LEKR1: variants seen among roughly 807,000 people sequenced by gnomAD.
LEKR1 encodes the protein leucine, glutamate and lysine rich 1.
Under a neutral mutation model 72.4 loss-of-function variants are expected in LEKR1, and 59 were observed. The ratio of observed to expected loss-of-function variants is 0.82; its 90% CI spans 0.66 to 1.01. The LOEUF is 1.01. Among genes scored for constraint, LEKR1 ranks in the 50% least tolerant of loss-of-function variants. The pLI, the probability that LEKR1 is intolerant of heterozygous loss-of-function variation, is 0.00. For synonymous variants in LEKR1, 257 were observed against 263.2 expected, an observed-to-expected ratio of 0.98 and a Z score of 0.23; for missense variants, 728 against 759.2, an observed-to-expected ratio of 0.96 and a Z score of 0.48.
chr3:156,845,714 A>C (rs1451380892), intron 2 of LEKR1, among the ~76,000 whole-genome samples: 2 of 152,036 alleles, frequency 1.3e-5, no homozygotes, highest in African/African-American at 4.8e-5. Flanking sequence ...AATATCATAC[A>C]ATCTTGATTA....
At chr3:156,961,477 C>T (rs977704554) in intron 6 of LEKR1, among the ~76,000 whole-genome samples, 6 of 152,210 alleles carry the variant, frequency 3.9e-5, no homozygotes, top group African/African-American at 1.4e-4. Context: ...CTTTCTATCT[C>T]TATAGACTTA....
intron 5 of LEKR1, 109 bp from the exon 6 acceptor site, chr3:156,942,420 T>C (rs1726293114): frequency 3.0e-6 from 1 of 334,874 alleles, no homozygotes; most frequent in Non-Finnish European, 5.4e-6. Context: ...CTCAGAAATG[T>C]CATCTTGCCT....
chr3:156,908,642 T>C (rs1209590832), intron 3 of LEKR1, among the ~76,000 whole-genome samples: 1 of 152,206 alleles, frequency 6.6e-6, no homozygotes, highest in East Asian at 1.9e-4. Context: ...TAGGCTTATC[T>C]TGAAGTTTTC....
chr3:156,959,232 G>A (rs2107982255), intron 6 of LEKR1, among the ~76,000 whole-genome samples: 1 of 152,238 alleles, frequency 6.6e-6, no homozygotes, highest in East Asian at 1.9e-4. Context: ...AGGGCAGACT[G>A]ATACACCACT....
At chr3:156,875,357 C>G (rs922964244) in intron 3 of LEKR1, among the ~76,000 whole-genome samples, 1 of 152,100 alleles carries the variant, frequency 6.6e-6, no homozygotes, top group African/African-American at 2.4e-5. Context: ...CCTTAGCCCA[C>G]TTTTTGATGG....
At chr3:156,880,434 C>G (rs953262520) in intron 3 of LEKR1, among the ~76,000 whole-genome samples, 2 of 152,198 alleles carry the variant, frequency 1.3e-5, no homozygotes, top group African/African-American at 4.8e-5. Context: ...CATACACTCT[C>G]CCAAGACTAA....
chr3:156,954,818 T>G (rs1406119407), intron 6 of LEKR1, among the ~76,000 whole-genome samples: 1 of 152,114 alleles, frequency 6.6e-6, no homozygotes, highest in East Asian at 1.9e-4. Context: ...TCTTTTTGAT[T>G]AGGACTGCCT....
chr3:156,921,331 G>A (rs1261102374), intron 4 of LEKR1, among the ~76,000 whole-genome samples: 1 of 151,438 alleles, frequency 6.6e-6, no homozygotes, highest in Non-Finnish European at 1.5e-5. Context: ...CACAGGTTCT[G>A]GATGACTAAA....
At chr3:156,883,445 A>T (rs1459538291) in intron 3 of LEKR1, among the ~76,000 whole-genome samples, 1 of 152,164 alleles carries the variant, frequency 6.6e-6, no homozygotes, top group Non-Finnish European at 1.5e-5. Context: ...AGAAGGCGTG[A>T]TTGGTTTTGA....
At chr3:156,962,785 G>A (rs1728238011) in intron 6 of LEKR1, among the ~76,000 whole-genome samples, 1 of 152,200 alleles carries the variant, frequency 6.6e-6, no homozygotes, top group African/African-American at 2.4e-5. Flanking sequence ...TCTCTCCTTT[G>A]AGATAGCTGT....
intron 9 of LEKR1, among the ~76,000 whole-genome samples, chr3:156,995,340 A>G (rs1731476971): frequency 6.6e-6 from 1 of 152,198 alleles, no homozygotes; most frequent in Admixed American, 6.5e-5. Flanking sequence ...ATGTTGAATG[A>G]GAAGGACAGT....
Position 156,942,732 on chromosome 3 carries a change from G to A in LEKR1, c.745+18G>A, listed in dbSNP as rs1726331137. ...AGTACTAGGTAAAGAAAAGTCTTTT[G>A]CTGTTTTTGGTGACTAGTTATATAA... On this transcript the variant is annotated intron_variant, in intron 6 of 12. Transcript: ENST00000356539. 1 of 1,191,756 alleles carries A rather than the reference G, an allele frequency of 8.4e-7. No homozygotes were observed. Among genetic ancestry groups the A allele is most frequent in the African/African-American group, 1.7e-5 (1 of 59,862 alleles). 73.8% of individuals were successfully genotyped at this position (1,191,756 alleles called of 1,614,324 possible).
chr3:156,868,389 C>A (rs2108545285), intron 3 of LEKR1, among the ~76,000 whole-genome samples: 1 of 152,062 alleles, frequency 6.6e-6, no homozygotes, highest in African/African-American at 2.4e-5. Context: ...TATATGATTA[C>A]TCCCGGGCTT....
chr3:156,970,138 A>G lies in LEKR1; in HGVS notation c.746-9056A>G, dbSNP rs569692649. Among the ~76,000 whole-genome samples, 10 of 152,332 alleles carry G rather than the reference A, an allele frequency of 6.6e-5. No individual in the cohort carries two copies. The South Asian group carries it at 1.2e-3, about 19-fold the overall frequency. Reference sequence around the variant, plus strand: ...GACATATCTCAAAATAATAAGAGCTATCTATGACAAACCCACAGCCAATAT... The same window carrying G: ...GACATATCTCAAAATAATAAGAGCTGTCTATGACAAACCCACAGCCAATAT... On this transcript the variant is annotated intron_variant, in intron 6 of 12. Transcript: ENST00000356539.
At chr3:156,902,512 G>T (rs1722134553) in intron 3 of LEKR1, among the ~76,000 whole-genome samples, 1 of 151,946 alleles carries the variant, frequency 6.6e-6, no homozygotes, top group Admixed American at 6.6e-5. Context: ...AGGGTATTTA[G>T]CTGAGGGACA....
chr3:156,909,619 C>G (rs965318991), intron 3 of LEKR1, among the ~76,000 whole-genome samples: 3 of 149,338 alleles, frequency 2.0e-5, no homozygotes, highest in Non-Finnish European at 4.4e-5. Flanking sequence ...CCACTGCACT[C>G]CAGCCTGGGA....
intron 11 of LEKR1, 136 bp from the exon 12 acceptor site, chr3:157,027,967 C>A: frequency 1.9e-6 from 1 of 515,346 alleles, no homozygotes. Context: ...TCTTGAAGGC[C>A]TGCACATCAT....
chr3:156,991,274 G>T (rs1431411099), intron 7 of LEKR1, among the ~76,000 whole-genome samples: 3 of 151,844 alleles, frequency 2.0e-5, no homozygotes, highest in African/African-American at 4.8e-5. Context: ...TTTTAACCTG[G>T]ATGGTAATCA....
At chr3:156,921,726 G>T (rs1400524409) in intron 4 of LEKR1, among the ~76,000 whole-genome samples, 1 of 152,108 alleles carries the variant, frequency 6.6e-6, no homozygotes, top group African/African-American at 2.4e-5. Context: ...TGCCGCAGAA[G>T]GCTCATCTGA....
Sources: allele counts gnomAD v4.1 joint callset (sites outside exome capture counted in the v4.1 genomes callset), GRCh38; gene constraint gnomAD v4.1.1; transcripts MANE v1.5; gene names NCBI Gene and HGNC (gene_info 2026-07-23, HGNC 2026-07-21).